Variants in FBXL4 observed in about 807,000 individuals in gnomAD.
FBXL4 encodes the protein F-box/LRR-repeat protein 4.
A neutral mutation model predicts 58.9 loss-of-function variants in FBXL4; 40 were observed. That is an observed-to-expected ratio of 0.68 (90% confidence interval 0.53 to 0.88). The LOEUF is 0.88. Ranked by LOEUF, FBXL4 falls within the 40% of genes least tolerant of loss-of-function variation. The pLI, the probability that FBXL4 is intolerant of heterozygous loss-of-function variation, is 0.00. For synonymous variants in FBXL4, 263 were observed against 265.5 expected, an observed-to-expected ratio of 0.99 and a Z score of 0.09; for missense variants, 676 against 734.4, an observed-to-expected ratio of 0.92 and a Z score of 0.92.
At chr6:98,875,185 C>T in intron 9 of FBXL4, 1 of 523,630 alleles carries the variant, frequency 1.9e-6, no homozygotes, top group South Asian at 2.2e-5. Context: ...TAGTTTTTTA[C>T]AGTTTCAACT....
intron 5 of FBXL4, among the ~76,000 whole-genome samples, chr6:98,910,657 GAAAAAAAAAAGA>G (rs1487178038): frequency 7.2e-6 from 1 of 138,486 alleles, no homozygotes; most frequent in Non-Finnish European, 1.6e-5. Flanking sequence ...ACTCCATCTC[GAAAAAAAAAAGA>G]AAAAAAAAAA....
At position 98,905,397 on chromosome 6, in the gene FBXL4, A is replaced by AGG. The variant is rs1562230546; in HGVS notation, c.1103+28_1103+29insCC. 6.2e-6 allele frequency: 10 copies of AGG among 1,603,964 alleles called. No individual in the cohort carries two copies. In the African/African-American group the frequency reaches 1.1e-4, roughly 17 times the overall value. On this transcript the variant is annotated intron_variant, in intron 6 of 9. Coordinates refer to ENST00000369244, the MANE Select transcript of FBXL4 (RefSeq NM_001278716.2). Reference sequence around the variant, plus strand: ...AAGTATAACCTGCTGCTGGGGGGGAAAAAAACTTCATCAAGGCTTTGTACT... The same window carrying AGG: ...AAGTATAACCTGCTGCTGGGGGGGAAGGAAAAACTTCATCAAGGCTTTGTACT...
Position 98,874,422 on chromosome 6 carries a change from C to T in FBXL4, c.1722G>A (p.Pro574=), listed in dbSNP as rs373647205. The T allele has an allele frequency of 6.2e-6, 10 of 1,607,314 alleles. No homozygotes were observed. The African/African-American group carries it at 9.4e-5, about 15-fold the overall frequency. Residue 574 remains proline, a synonymous_variant, in exon 10 of 10, where the codon CCG becomes CCA. Coordinates refer to ENST00000369244, the MANE Select transcript of FBXL4 (RefSeq NM_001278716.2). ...LDILGTRMVS[P]ASLRKLLESC... is the part of the protein sequence containing the mutation. ...ATTCCAGGAGTTTTCTTAAGGATGC[C>T]GGACTTACCATTCTTGTTCCTATTT...
At chr6:98,916,768 T>C (rs942677844) in intron 5 of FBXL4, among the ~76,000 whole-genome samples, 9 of 150,514 alleles carry the variant, frequency 6.0e-5, no homozygotes, top group African/African-American at 2.2e-4. Context: ...TGTATACATA[T>C]GTAACTAACC....
intron 1 of FBXL4, among the ~76,000 whole-genome samples, chr6:98,937,547 A>G (rs1773267262): frequency 6.6e-6 from 1 of 152,114 alleles, no homozygotes; most frequent in African/African-American, 2.4e-5. Context: ...TCTGATCTTC[A>G]TGTTGAGTAG....
At chr6:98,946,920 G>T (rs940024710) in intron 1 of FBXL4, among the ~76,000 whole-genome samples, 1 of 152,162 alleles carries the variant, frequency 6.6e-6, no homozygotes, top group Admixed American at 6.5e-5. Context: ...CAGGAAGTGA[G>T]CCTGAAAGAA....
At chr6:98,906,194 CTT>C (rs1771802911) in intron 5 of FBXL4, among the ~76,000 whole-genome samples, 1 of 150,530 alleles carries the variant, frequency 6.6e-6, no homozygotes, top group African/African-American at 2.4e-5. Flanking sequence ...AAAAAAAACA[CTT>C]TTAAGTTCTG....
intron 7 of FBXL4, among the ~76,000 whole-genome samples, chr6:98,881,955 A>G (rs995552678): frequency 1.1e-4 from 17 of 152,026 alleles, no homozygotes; most frequent in African/African-American, 4.1e-4. Context: ...TTACAGGACC[A>G]TATCCATATT....
intron 7 of FBXL4, among the ~76,000 whole-genome samples, chr6:98,883,546 T>C (rs527708523): frequency 6.6e-6 from 1 of 152,100 alleles, no homozygotes; most frequent in South Asian, 2.1e-4. Context: ...ATCAGAGTTT[T>C]AGAGTCTTTC....
chr6:98,876,272 A>C (rs115088773), intron 8 of FBXL4, among the ~76,000 whole-genome samples: 1,972 of 152,314 alleles, frequency 0.013, 32 homozygotes, highest in African/African-American at 0.045. Flanking sequence ...ACAATATGTT[A>C]ATCAACTGTC....
chr6:98,909,785 A>G (rs886566565), intron 5 of FBXL4, among the ~76,000 whole-genome samples: 1 of 151,798 alleles, frequency 6.6e-6, no homozygotes, highest in Admixed American at 6.6e-5. Flanking sequence ...CTCCCAGTAA[A>G]GGCCAGTTTT....
chr6:98,932,883 CCA>C (rs1248840570), intron 2 of FBXL4, among the ~76,000 whole-genome samples: 2 of 150,166 alleles, frequency 1.3e-5, no homozygotes, highest in East Asian at 3.9e-4. Flanking sequence ...GCAAAAGAGC[CCA>C]CAGAGACATG....
chr6:98,942,386 CAGT>C (rs1222450803), intron 1 of FBXL4, among the ~76,000 whole-genome samples: 3 of 152,062 alleles, frequency 2.0e-5, no homozygotes, highest in African/African-American at 7.3e-5. Flanking sequence ...CAAAATCTAA[CAGT>C]GAAATGTAAT....
At chr6:98,895,786 T>G (rs1166999016) in intron 7 of FBXL4, among the ~76,000 whole-genome samples, 1 of 152,134 alleles carries the variant, frequency 6.6e-6, no homozygotes, top group Admixed American at 6.5e-5. Context: ...CTCAAAAGCT[T>G]TATGCATTAT....
At chr6:98,890,707 T>A (rs1454888921) in intron 7 of FBXL4, among the ~76,000 whole-genome samples, 1 of 152,072 alleles carries the variant, frequency 6.6e-6, no homozygotes, top group African/African-American at 2.4e-5. Context: ...TCACTTGAGG[T>A]CAGGAGTTCA....
intron 2 of FBXL4, among the ~76,000 whole-genome samples, chr6:98,931,747 A>G (rs908566521): frequency 9.9e-5 from 15 of 152,184 alleles, no homozygotes; most frequent in African/African-American, 2.9e-4. Flanking sequence ...ATGACACATA[A>G]AAGTGTTTTA....
At chr6:98,943,800 A>T (rs1320389074) in intron 1 of FBXL4, among the ~76,000 whole-genome samples, 1 of 152,148 alleles carries the variant, frequency 6.6e-6, no homozygotes, top group African/African-American at 2.4e-5. Flanking sequence ...AAAGTCATAT[A>T]AGACAATGTA....
At chr6:98,904,453 T>C (rs1008790381) in intron 6 of FBXL4, among the ~76,000 whole-genome samples, 1 of 152,180 alleles carries the variant, frequency 6.6e-6, no homozygotes, top group African/African-American at 2.4e-5. Flanking sequence ...ACATCATTAC[T>C]TCATTTAAAT....
intron 1 of FBXL4, among the ~76,000 whole-genome samples, chr6:98,944,733 C>T (rs556831371): frequency 2.0e-4 from 31 of 152,272 alleles, no homozygotes; most frequent in Non-Finnish European, 2.6e-4. Flanking sequence ...GTCTCCCTCT[C>T]TGGCAAAGAT....
Sources: allele counts gnomAD v4.1 joint callset (sites outside exome capture counted in the v4.1 genomes callset), GRCh38; gene constraint gnomAD v4.1.1; transcripts MANE v1.5; gene names NCBI Gene and HGNC (gene_info 2026-07-23, HGNC 2026-07-21).